The following PTDSS2 variants were observed in gnomAD, a reference collection of about 807,000 sequenced individuals.
The protein encoded by PTDSS2 is phosphatidylserine synthase 2.
A neutral mutation model predicts 64.7 loss-of-function variants in PTDSS2; 41 were observed. That is an observed-to-expected ratio of 0.63 (90% CI 0.49 to 0.82). The LOEUF is 0.82. PTDSS2 is among the 40% of genes least tolerant of loss of function. PTDSS2 has a pLI of 0.00. For synonymous variants in PTDSS2, 297 were observed against 277.8 expected, an observed-to-expected ratio of 1.07 and a Z score of -0.69; for missense variants, 485 against 650.0, an observed-to-expected ratio of 0.75 and a Z score of 2.76.
At chr11:475,851 T>G (rs188590956) in intron 3 of PTDSS2, among the ~76,000 whole-genome samples, 41 of 152,366 alleles carry the variant, frequency 2.7e-4, no homozygotes, top group African/African-American at 9.1e-4. Flanking sequence ...CAGTTTTATT[T>G]TAATAAACTA....
At chr11:465,761 C>CG (rs1049665340) in intron 2 of PTDSS2, among the ~76,000 whole-genome samples, 3 of 151,364 alleles carry the variant, frequency 2.0e-5, no homozygotes, top group African/African-American at 7.3e-5. Context: ...CCACCCCCCC[C>CG]CCATCTCTAC....
At chr11:463,984 C>A (rs1163096118) in intron 2 of PTDSS2, 1 of 148,650 alleles carries the variant, frequency 6.7e-6, no homozygotes, top group Admixed American at 6.7e-5. Flanking sequence ...TTTTCTTTTT[C>A]TTTTTTTTTT....
At chr11:482,472 C>G (rs987767917) in intron 4 of PTDSS2, among the ~76,000 whole-genome samples, 3 of 151,884 alleles carry the variant, frequency 2.0e-5, no homozygotes, top group African/African-American at 4.8e-5. Context: ...AGCCACCGCA[C>G]CTGACTAATT....
At position 490,787 on chromosome 11, in the gene PTDSS2, T is replaced by TGCGTGTGTGTACGTGTGTAC. The variant is rs1706103481; in HGVS notation, c.*218_*219insTGTGTACGCGTGTGTGTACG. The TGCGTGTGTGTACGTGTGTAC allele has an allele frequency of 1.6e-5, 9 of 574,018 alleles. No individual in the cohort carries two copies. Among genetic ancestry groups the TGCGTGTGTGTACGTGTGTAC allele is most frequent in the Admixed American group, 7.2e-5 (2 of 27,858 alleles). 35.6% of individuals were successfully genotyped at this position (574,018 alleles called of 1,614,324 possible). A position where few individuals can be genotyped will look rare whatever the true frequency, so the allele number is the denominator to read the frequency against. ...ATGTGTACACGTGTGTACGTGTGTA[T>TGCGTGTGTGTACGTGTGTAC]GCGTGTGTGTACGCGTGTGTACGCG... On this transcript the variant is annotated 3_prime_UTR_variant, in exon 12 of 12. Coordinates refer to ENST00000308020, the MANE Select transcript of PTDSS2 (RefSeq NM_030783.3).
rs1847807729 is a variant in PTDSS2 at position 476,433 on chromosome 11, G to C, written c.367+2456G>C. On this transcript the variant is annotated intron_variant, in intron 3 of 11. Coordinates refer to ENST00000308020, the MANE Select transcript of PTDSS2 (RefSeq NM_030783.3). This position sits in a 1 kb window ranked among gnomAD's most constrained non-coding sequence, Gnocchi z 4.9. ...AGCCTGGTGCAGTTACGTGCTTGTTGGGTGGATTTGGAGGGAAGAAAAGCT... is the reference window on the plus strand; with the variant it reads ...AGCCTGGTGCAGTTACGTGCTTGTTCGGTGGATTTGGAGGGAAGAAAAGCT... 6.6e-6 allele frequency among the ~76,000 whole-genome samples: 1 copy of C among 152,210 alleles called. No individual in the cohort carries two copies. Among genetic ancestry groups the C allele is most frequent in the African/African-American group, 2.4e-5 (1 of 41,454 alleles).
chr11:487,668 C>T (rs1460674198), intron 6 of PTDSS2, among the ~76,000 whole-genome samples, 198 bp downstream of exon 6: 1 of 152,190 alleles, frequency 6.6e-6, no homozygotes, highest in African/African-American at 2.4e-5. Context: ...CGGGTCCCCG[C>T]TCCGTCCTCA....
At chr11:485,558 C>CGT (rs1848316526) in intron 4 of PTDSS2, among the ~76,000 whole-genome samples, 8 of 78,386 alleles carry the variant, frequency 1.0e-4, no homozygotes, top group South Asian at 4.2e-4. Context: ...TGCACGGGCG[C>CGT]GTGTGCTCAC....
intron 1 of PTDSS2, among the ~76,000 whole-genome samples, chr11:457,371 T>C (rs1846645823): frequency 6.6e-6 from 1 of 152,244 alleles, no homozygotes; most frequent in South Asian, 2.1e-4. Flanking sequence ...GAGTCGTGTG[T>C]GGGTGACAGC....
chr11:478,481 T>C (rs1847917328), intron 3 of PTDSS2, among the ~76,000 whole-genome samples: 1 of 150,984 alleles, frequency 6.6e-6, no homozygotes, highest in African/African-American at 2.4e-5. Context: ...CCACAGTAGC[T>C]CACACCTGTA....
Position 450,348 on chromosome 11 carries a change from C to T in PTDSS2, c.-108C>T, listed in dbSNP as rs747765981. ...CCTAAGACCCCGCGGGCCAGCGCCG[C>T]GACCCCTTCCCAGCGCTCCTCGCGC... On this transcript the variant is annotated 5_prime_UTR_variant, in exon 1 of 12. It introduces an in-frame stop codon into an upstream open reading frame of the 5' UTR. Transcript: ENST00000308020. The T allele has an allele frequency of 1.8e-4, 185 of 1,025,042 alleles. No individual in the cohort carries two copies. Among genetic ancestry groups the T allele is most frequent in the Non-Finnish European group, 2.2e-4 (178 of 805,066 alleles). 63.5% of individuals were successfully genotyped at this position (1,025,042 alleles called of 1,614,324 possible).
intron 4 of PTDSS2, 85 bp from the exon 5 acceptor site, chr11:486,854 A>T: frequency 2.9e-6 from 4 of 1,403,078 alleles, no homozygotes; most frequent in Non-Finnish European, 2.9e-6. Context: ...TCTCAAAAAA[A>T]TAAAATAAAT....
chr11:477,557 C>T (rs1001945486), intron 3 of PTDSS2, among the ~76,000 whole-genome samples: 2 of 152,118 alleles, frequency 1.3e-5, no homozygotes, highest in African/African-American at 4.8e-5. Context: ...TCCGAGATGC[C>T]ACCTTTCTGA....
Position 489,402 on chromosome 11 carries a change from G to C in PTDSS2, c.857G>C (p.Gly286Ala). ...GCTGCCGGCTCTGTGGTTCCCAGGG[G>C]CAAGATGAAGAGGATCGCCTTCCAG... ...QGLWNIPTYK[G>A]KMKRIAFQFT... is the part of the protein sequence containing the mutation. Residue 286 changes from glycine (G) to alanine (A), a missense_variant and splice_region_variant, in exon 9 of 12, where the codon GGC becomes GCC. By Grantham distance (60) the Gly-to-Ala change is moderately conservative. Around this residue, in one of 3 missense-constraint regions of PTDSS2, gnomAD observed 15 missense variants for 44.7 expected, o/e 0.34. Transcript: ENST00000308020. The C allele has an allele frequency of 6.2e-7, 1 of 1,612,552 alleles. No homozygotes were observed. Among genetic ancestry groups the C allele is most frequent in the Non-Finnish European group, 8.5e-7 (1 of 1,179,498 alleles).
chr11:484,380 C>T (rs1848202105), intron 4 of PTDSS2, among the ~76,000 whole-genome samples: 1 of 152,212 alleles, frequency 6.6e-6, no homozygotes, highest in African/African-American at 2.4e-5. Flanking sequence ...TGGGTCCTTA[C>T]TGAATATTAG....
chr11:461,852 A>G lies in PTDSS2; in HGVS notation c.284+1564A>G, dbSNP rs548722115. On this transcript the variant is annotated intron_variant, in intron 2 of 11. Coordinates refer to ENST00000308020, the MANE Select transcript of PTDSS2 (RefSeq NM_030783.3). The surrounding 1 kb of genome is among the most constrained non-coding windows in gnomAD (Gnocchi z 4.2). ...TGCCTGGGGCCCCTGTGGAGGGGCC[A>G]CCTGGGGACGCTGGACCTGTGGCTC... is the stretch of plus-strand genomic sequence containing the variant. Among the ~76,000 whole-genome samples, 53 of 152,140 alleles carry G rather than the reference A, an allele frequency of 3.5e-4. No homozygotes were observed. The highest frequency in any genetic ancestry group is 7.1e-4 in the Non-Finnish European group (48 of 68,022).
chr11:450,061 T>TC (rs1053015901), upstream of PTDSS2, among the ~76,000 whole-genome samples: 3 of 152,110 alleles, frequency 2.0e-5, no homozygotes, highest in African/African-American at 7.2e-5. Flanking sequence ...GTGGAGGGAC[T>TC]CGGGCCAGGC....
intron 1 of PTDSS2, among the ~76,000 whole-genome samples, chr11:451,779 T>C (rs1454694503): frequency 3.9e-5 from 6 of 152,076 alleles, no homozygotes; most frequent in Non-Finnish European, 5.9e-5. Flanking sequence ...AGAGAGACTG[T>C]CCAAGTGGTG....
intron 10 of PTDSS2, 36 bp downstream of exon 10, chr11:489,769 G>T: frequency 6.3e-7 from 1 of 1,592,250 alleles, no homozygotes; most frequent in East Asian, 2.3e-5. Flanking sequence ...AGACACCCCC[G>T]GGGGGCAGGG....
At chr11:488,121 G>T (rs1158157324) in intron 6 of PTDSS2, 78 bp from the exon 7 acceptor site, 7 of 1,078,304 alleles carry the variant, frequency 6.5e-6, no homozygotes, top group Non-Finnish European at 9.9e-6. Context: ...TGCCAGCCGG[G>T]GTGGGGGCTG....
Sources: gnomAD v4.1 joint callset for allele counts (sites outside exome capture counted in the v4.1 genomes callset) on GRCh38, gnomAD v4.1.1 for gene constraint, gnomAD v4.1.1 regional missense constraint, Gnocchi (gnomAD v3.1) non-coding constraint, MANE v1.5 for transcripts, NCBI Gene and HGNC (gene_info 2026-07-23, HGNC 2026-07-21) for gene names.